The following RIMS1 variants were observed in gnomAD, a reference collection of about 807,000 sequenced individuals.
RIMS1 encodes the protein regulating synaptic membrane exocytosis protein 1.
Under a neutral mutation model 214.1 loss-of-function variants are expected in RIMS1, and 83 were observed. The ratio of observed to expected loss-of-function variants is 0.39; its 90% CI spans 0.32 to 0.47. RIMS1 has a LOEUF of 0.47. Among genes scored for constraint, RIMS1 ranks in the 20% least tolerant of loss-of-function variants. The pLI is 0.99. For missense variants in RIMS1, 2,050 were observed against 2,161.8 expected, an observed-to-expected ratio of 0.95 and a Z score of 1.03; for synonymous variants, 793 against 786.8, an observed-to-expected ratio of 1.01 and a Z score of -0.13.
At chr6:72,223,552 AG>A (rs1156640253) in intron 6 of RIMS1, among the ~76,000 whole-genome samples, 3 of 152,152 alleles carry the variant, frequency 2.0e-5, no homozygotes, top group Admixed American at 2.0e-4. Context: ...AAGATCAGTA[AG>A]GGGAAATAAG....
At chr6:72,276,499 C>G (rs1439235044) in intron 23 of RIMS1, among the ~76,000 whole-genome samples, 1 of 151,866 alleles carries the variant, frequency 6.6e-6, no homozygotes. Context: ...GTATATGTAA[C>G]TATAAGAGTA....
chr6:71,932,825 A>C (rs1020184425), intron 1 of RIMS1, among the ~76,000 whole-genome samples: 3 of 152,152 alleles, frequency 2.0e-5, no homozygotes, highest in African/African-American at 7.2e-5. Context: ...TTGAGAAAAG[A>C]AACTTCATAA....
chr6:72,402,907 T>G lies in RIMS1; in HGVS notation c.*2193T>G, dbSNP rs1277672229. ...ATGGGAAGGGGAGGCTGGGGTTTGT[T>G]GTCTGCTGCGGGCATTTGACTTGAC... On this transcript the variant is annotated 3_prime_UTR_variant, in exon 34 of 34. Coordinates refer to ENST00000521978, the MANE Select transcript of RIMS1 (RefSeq NM_014989.7). 1 of 152,712 alleles carries G rather than the reference T, an allele frequency of 6.5e-6. No individual in the cohort carries two copies. Among genetic ancestry groups the G allele is most frequent in the Admixed American group, 6.5e-5 (1 of 15,278 alleles). 9.5% of individuals were successfully genotyped at this position (152,712 alleles called of 1,614,324 possible).
intron 28 of RIMS1, chr6:72,316,833 T>A (rs769748913): frequency 2.1e-6 from 2 of 955,338 alleles, no homozygotes; most frequent in Admixed American, 3.5e-5. Flanking sequence ...CATTACCACA[T>A]TGGGAGTGTA....
chr6:71,947,462 A>G (rs1788202890), intron 1 of RIMS1, among the ~76,000 whole-genome samples: 1 of 152,136 alleles, frequency 6.6e-6, no homozygotes, highest in Admixed American at 6.5e-5. Flanking sequence ...AAAGACAAAT[A>G]CCGCATGATT....
At chr6:71,969,615 C>A (rs981903598) in intron 2 of RIMS1, among the ~76,000 whole-genome samples, 1 of 152,080 alleles carries the variant, frequency 6.6e-6, no homozygotes, top group African/African-American at 2.4e-5. Flanking sequence ...TTGGGACCAG[C>A]CTGGCCAATA....
intron 29 of RIMS1, among the ~76,000 whole-genome samples, chr6:72,356,898 T>A (rs2097665630): frequency 6.6e-6 from 1 of 152,184 alleles, no homozygotes. Flanking sequence ...ATTCTACCTT[T>A]ATCTTTGAGC....
chr6:72,064,604 G>A (rs1368817869), intron 2 of RIMS1, among the ~76,000 whole-genome samples: 1 of 152,214 alleles, frequency 6.6e-6, no homozygotes, highest in Non-Finnish European at 1.5e-5. Flanking sequence ...ACAGCTGGGT[G>A]CGTCATCTCG....
chr6:71,946,856 AG>A (rs1175562207), intron 1 of RIMS1, among the ~76,000 whole-genome samples: 1 of 151,956 alleles, frequency 6.6e-6, no homozygotes, highest in Non-Finnish European at 1.5e-5. Flanking sequence ...GAGACAACCT[AG>A]GGTTTTAGAG....
At chr6:71,992,559 T>C (rs1802100943) in intron 2 of RIMS1, among the ~76,000 whole-genome samples, 2 of 126,888 alleles carry the variant, frequency 1.6e-5, no homozygotes, top group African/African-American at 5.5e-5. Flanking sequence ...TCCTTCTTCC[T>C]CTTCTTCTTC....
intron 29 of RIMS1, among the ~76,000 whole-genome samples, chr6:72,343,492 C>CTTT (rs764125827): frequency 0.022 from 1,243 of 57,232 alleles, 3 homozygotes; most frequent in East Asian, 0.042. Context: ...TCTTCTTCTT[C>CTTT]TTTTTTTTTT....
At chr6:72,189,186 A>C (rs1270983287) in intron 6 of RIMS1, among the ~76,000 whole-genome samples, 1 of 152,174 alleles carries the variant, frequency 6.6e-6, no homozygotes, top group East Asian at 1.9e-4. Flanking sequence ...TGTATTGGAC[A>C]CTGATTCAGA....
intron 21 of RIMS1, among the ~76,000 whole-genome samples, chr6:72,265,746 A>G (rs1304597866): frequency 6.6e-6 from 1 of 152,158 alleles, no homozygotes; most frequent in Non-Finnish European, 1.5e-5. Context: ...ATGCAAAGCA[A>G]TTTAAGCATA....
At chr6:72,117,023 T>G (rs961347954) in intron 4 of RIMS1, among the ~76,000 whole-genome samples, 2 of 151,996 alleles carry the variant, frequency 1.3e-5, no homozygotes, top group East Asian at 3.8e-4. Flanking sequence ...ACCCAATTGC[T>G]CCAGGTCATG....
At chr6:72,060,034 G>C (rs1347850018) in intron 2 of RIMS1, among the ~76,000 whole-genome samples, 1 of 151,990 alleles carries the variant, frequency 6.6e-6, no homozygotes, top group African/African-American at 2.4e-5. Context: ...CGCCTCCTGG[G>C]TTCAAGCGAT....
At chr6:72,116,408 G>A (rs1386141259) in intron 4 of RIMS1, among the ~76,000 whole-genome samples, 1 of 151,956 alleles carries the variant, frequency 6.6e-6, no homozygotes, top group Non-Finnish European at 1.5e-5. Flanking sequence ...AAAGACCATT[G>A]TCAGAATCCA....
At chr6:72,266,259 A>G in intron 22 of RIMS1, 1 of 574,142 alleles carries the variant, frequency 1.7e-6, no homozygotes, top group South Asian at 2.0e-5. Flanking sequence ...TATTTCTATG[A>G]ATGTTGTTGC....
intron 1 of RIMS1, among the ~76,000 whole-genome samples, chr6:71,892,135 C>T (rs1273797734): frequency 6.6e-6 from 1 of 152,194 alleles, no homozygotes; most frequent in East Asian, 1.9e-4. Flanking sequence ...TCCATGTACA[C>T]TGACCTCAAA....
chr6:71,908,579 G>A (rs1342715331), intron 1 of RIMS1, among the ~76,000 whole-genome samples: 3 of 152,208 alleles, frequency 2.0e-5, no homozygotes, highest in African/African-American at 7.2e-5. Context: ...CTGCATATAA[G>A]TATCTAATTT....
Sources: gnomAD v4.1 joint callset for allele counts (sites outside exome capture counted in the v4.1 genomes callset) on GRCh38, gnomAD v4.1.1 for gene constraint, MANE v1.5 for transcripts, NCBI Gene and HGNC (gene_info 2026-07-23, HGNC 2026-07-21) for gene names.